The following CEP63 variants were observed in gnomAD, a reference collection of about 807,000 sequenced individuals.
CEP63 encodes centrosomal protein of 63 kDa.
Under a neutral mutation model 89.1 loss-of-function variants are expected in CEP63, and 84 were observed. The observed-to-expected ratio is 0.94, with a 90% CI of 0.79 to 1.13. CEP63 has a LOEUF of 1.13. Among genes scored for constraint, CEP63 ranks in the 50% most tolerant of loss-of-function variants. CEP63 has a pLI of 0.00. For missense variants in CEP63, 838 were observed against 813.3 expected (o/e 1.03, Z -0.37); for synonymous variants, 267 against 272.5 (o/e 0.98, Z 0.20).
the CEP63 span, among the ~76,000 whole-genome samples, chr3:134,774,646 A>G: frequency 6.6e-6 from 1 of 152,220 alleles, no homozygotes; most frequent in East Asian, 1.9e-4. Context: ...GGTGAAGCCA[A>G]CTTATATATA....
chr3:134,746,879 C>T, the CEP63 span, among the ~76,000 whole-genome samples: 1 of 152,156 alleles, frequency 6.6e-6, no homozygotes, highest in Non-Finnish European at 1.5e-5. Context: ...TGTAGGTTGC[C>T]TGTTCACTCT....
the CEP63 span, among the ~76,000 whole-genome samples, chr3:134,726,750 T>TC: frequency 1.2e-4 from 19 of 152,064 alleles, no homozygotes; most frequent in African/African-American, 4.3e-4. Context: ...CGACATAATT[T>TC]CCCCTGATCC....
chr3:134,772,294 T>C, the CEP63 span, among the ~76,000 whole-genome samples: 33 of 152,294 alleles, frequency 2.2e-4, no homozygotes, highest in Admixed American at 1.9e-3. Flanking sequence ...CAGGGCTGGA[T>C]TCTCTTGCTA....
At position 134,552,012 on chromosome 3, in the gene CEP63, G is replaced by C. The variant is rs746105390; in HGVS notation, c.1467G>C (p.Glu489Asp). 2 of 1,564,436 alleles carry C rather than the reference G, an allele frequency of 1.3e-6. No homozygotes were observed. The highest frequency in any genetic ancestry group is 8.8e-7 in the Non-Finnish European group (1 of 1,138,882). The change falls in exon 12 of 15, where the codon GAG becomes GAC. Residue 489 changes from glutamate to aspartate, a missense_variant and splice_region_variant. Glu to Asp is a conservative substitution (Grantham distance 45). Coordinates refer to ENST00000675561, the MANE Select transcript of CEP63 (RefSeq NM_001353108.3). ...MVMKLELGLH[E>D]AKEISLADLQ... ...TGAAATTGGAATTGGGTTTACATGA[G>C]GTACATAAATAGAAACTTAAGTTTT...
the CEP63 span, among the ~76,000 whole-genome samples, chr3:134,665,708 G>GAA: frequency 2.9e-4 from 40 of 138,032 alleles, 1 homozygote; most frequent in African/African-American, 9.5e-4. Context: ...CACACAGAGA[G>GAA]AGAGAGAGAG....
chr3:134,622,767 G>T, the CEP63 span, among the ~76,000 whole-genome samples: 1 of 152,166 alleles, frequency 6.6e-6, no homozygotes, highest in South Asian at 2.1e-4. Flanking sequence ...TGGAAAGATG[G>T]CTCTGACCAT....
the CEP63 span, among the ~76,000 whole-genome samples, chr3:134,602,429 G>C: frequency 6.6e-6 from 1 of 152,178 alleles, no homozygotes; most frequent in African/African-American, 2.4e-5. Context: ...TCTCAGAGAA[G>C]GGAGGAAAGG....
chr3:134,651,710 T>G, the CEP63 span: 5 of 783,108 alleles, frequency 6.4e-6, no homozygotes, highest in Admixed American at 6.2e-5. Context: ...AGTCTTAAAG[T>G]CTCGGTTCGT....
In CEP63 at chr3:134,559,247, C is replaced by T. The variant is rs1402328829; in HGVS notation, c.1771C>T (p.Pro591Ser). The T allele has an allele frequency of 1.2e-6, 2 of 1,613,986 alleles. No homozygotes were observed. Among genetic ancestry groups the T allele is most frequent in the Non-Finnish European group, 8.5e-7 (1 of 1,180,028 alleles). Reference protein sequence around the residue: ...PRGQASDSINPMSRVLSPLSP... With the variant: ...PRGQASDSINSMSRVLSPLSP... ...AGGACAAGCGTCGGATAGTATAAAC[C>T]CCATGTCTAGGGTGCTAAGCCCCCT... Residue 591 changes from proline (P) to serine (S), a missense_variant, in exon 14 of 15, where the codon CCC becomes TCC. Coordinates refer to ENST00000675561, the MANE Select transcript of CEP63 (RefSeq NM_001353108.3).
intron 8 of CEP63, among the ~76,000 whole-genome samples, chr3:134,546,557 A>G (rs1035467445): frequency 6.6e-6 from 1 of 152,018 alleles, no homozygotes; most frequent in African/African-American, 2.4e-5. Context: ...GGCATTCATC[A>G]TGTTGGCTAG....
At chr3:134,722,104 G>A in the CEP63 span, among the ~76,000 whole-genome samples, 1 of 152,008 alleles carries the variant, frequency 6.6e-6, no homozygotes, top group Non-Finnish European at 1.5e-5. Context: ...CTGGGCTTGG[G>A]CTGTTCTTTT....
the CEP63 span, among the ~76,000 whole-genome samples, chr3:134,760,846 G>A: frequency 9.9e-5 from 15 of 152,066 alleles, no homozygotes; most frequent in African/African-American, 2.7e-4. Flanking sequence ...GGGCACCTCC[G>A]GACTTGGAGG....
In CEP63 at chr3:134,512,689, A is replaced by G. The variant is rs114744314; in HGVS notation, c.222+5403A>G. Among the ~76,000 whole-genome samples, 527 of 151,836 alleles carry G rather than the reference A, an allele frequency of 3.5e-3. 7 individuals carry two copies. Among genetic ancestry groups the G allele is most frequent in the African/African-American group, 0.012 (508 of 41,362 alleles). Reference sequence around the variant, plus strand: ...TCCAAGGAAGCTTTTTTACTGCTGTATTTTCATTTATAGTTTTAGCTGTTT... The same window carrying G: ...TCCAAGGAAGCTTTTTTACTGCTGTGTTTTCATTTATAGTTTTAGCTGTTT... On this transcript the variant is annotated intron_variant, in intron 3 of 14. Transcript: ENST00000675561.
chr3:134,754,528 G>C, the CEP63 span, among the ~76,000 whole-genome samples: 1 of 152,134 alleles, frequency 6.6e-6, no homozygotes, highest in Admixed American at 6.5e-5. Context: ...AAGGCCTCAG[G>C]ATGCCTTGCC....
the CEP63 span, chr3:134,643,256 G>A: frequency 6.5e-7 from 1 of 1,535,652 alleles, no homozygotes. Context: ...TCGCTGGCCA[G>A]AGCATCAGGT....
downstream of CEP63, among the ~76,000 whole-genome samples, chr3:134,567,152 C>CAAAAAAA (rs57656773): frequency 7.1e-6 from 1 of 141,420 alleles, no homozygotes. Flanking sequence ...AGGAAGAAAG[C>CAAAAAAA]AAAAAAAAAA....
the CEP63 span, among the ~76,000 whole-genome samples, chr3:134,624,219 C>T: frequency 6.6e-6 from 1 of 152,192 alleles, no homozygotes; most frequent in African/African-American, 2.4e-5. Flanking sequence ...TAGAGTTCTT[C>T]CCCTCTGCCC....
the CEP63 span, among the ~76,000 whole-genome samples, chr3:134,614,780 C>G: frequency 6.6e-6 from 1 of 152,128 alleles, no homozygotes; most frequent in Non-Finnish European, 1.5e-5. Context: ...GTATGATGCT[C>G]CTACAGTCAG....
the CEP63 span, among the ~76,000 whole-genome samples, chr3:134,631,536 C>T: frequency 1.0e-5 from 1 of 96,666 alleles, no homozygotes. Context: ...ATTATAACAT[C>T]TGATAGGTTT....
Sources: allele counts gnomAD v4.1 joint callset (sites outside exome capture counted in the v4.1 genomes callset), GRCh38; gene constraint gnomAD v4.1.1; transcripts MANE v1.5; gene names NCBI Gene and HGNC (gene_info 2026-07-23, HGNC 2026-07-21).